EPHA6: variants seen among roughly 807,000 people sequenced by gnomAD.
The protein encoded by EPHA6 is EPH receptor A6.
A neutral mutation model predicts 112.0 loss-of-function variants in EPHA6; 50 were observed. The observed-to-expected ratio is 0.45, with a 90% CI of 0.36 to 0.56. The LOEUF (loss-of-function observed/expected upper bound fraction) is 0.56. EPHA6 is among the 20% of genes least tolerant of loss of function. The probability of loss-of-function intolerance (pLI) is 0.00; values close to 1 mark genes in which losing one functional copy is unlikely to be tolerated. For synonymous variants in EPHA6, 529 were observed against 490.7 expected (o/e 1.08, Z -1.03); for missense variants, 1,280 against 1,417.4 (o/e 0.90, Z 1.56).
chr3:96,870,529 T>C (rs1307490837), intron 2 of EPHA6, among the ~76,000 whole-genome samples: 1 of 152,102 alleles, frequency 6.6e-6, no homozygotes, highest in Non-Finnish European at 1.5e-5. Flanking sequence ...GAAACATCCT[T>C]ACACACACAC....
chr3:97,566,018 C>CAAA (rs59606297), intron 11 of EPHA6, among the ~76,000 whole-genome samples: 129 of 81,692 alleles, frequency 1.6e-3, no homozygotes, highest in South Asian at 0.011. Context: ...GACACCGTCT[C>CAAA]AAAAAAAAAA....
At chr3:97,480,920 C>A (rs1392041954) in intron 9 of EPHA6, among the ~76,000 whole-genome samples, 1 of 151,312 alleles carries the variant, frequency 6.6e-6, no homozygotes, top group Non-Finnish European at 1.5e-5. Flanking sequence ...AGACAATGGG[C>A]GGCCGGGCAA....
intron 2 of EPHA6, among the ~76,000 whole-genome samples, chr3:96,942,955 T>C (rs112471441): frequency 0.011 from 1,669 of 152,190 alleles, 29 homozygotes; most frequent in African/African-American, 0.038. Context: ...CCAGAACTTA[T>C]TCCTCCTATC....
intron 13 of EPHA6, among the ~76,000 whole-genome samples, chr3:97,629,551 A>C (rs1209637898): frequency 6.6e-6 from 1 of 151,934 alleles, no homozygotes; most frequent in Non-Finnish European, 1.5e-5. Context: ...AATTCTCATT[A>C]ATTCTTCTTT....
intron 3 of EPHA6, among the ~76,000 whole-genome samples, chr3:97,147,868 C>T (rs1025671233): frequency 6.6e-6 from 1 of 151,814 alleles, no homozygotes; most frequent in African/African-American, 2.4e-5. Flanking sequence ...ACTGGAAAAC[C>T]GGTGAAATGC....
chr3:96,907,375 G>C (rs1362793344), intron 2 of EPHA6, among the ~76,000 whole-genome samples: 1 of 151,508 alleles, frequency 6.6e-6, no homozygotes, highest in Admixed American at 6.6e-5. Context: ...CTGATTATCT[G>C]TTCATTATGA....
Position 97,637,927 on chromosome 3 carries a change from G to A in EPHA6, c.2629G>A (p.Ala877Thr). Residue 877 changes from alanine (A) to threonine (T), a missense_variant, in exon 14 of 18, where the codon GCA (alanine) becomes ACA (threonine). Coordinates refer to ENST00000389672, the MANE Select transcript of EPHA6 (RefSeq NM_001080448.3). Reference sequence around the variant, plus strand: ...GTTGGTCGGAATGCTCCGAGGCATTGCATCAGGCATGAAGTATCTTTCTGA... The same window carrying A: ...GTTGGTCGGAATGCTCCGAGGCATTACATCAGGCATGAAGTATCTTTCTGA... ...IQLVGMLRGI[A>T]SGMKYLSDMG... is the part of the protein sequence containing the mutation. 6.2e-7 allele frequency: 1 copy of A among 1,613,916 alleles called. No individual in the cohort carries two copies. The highest frequency in any genetic ancestry group is 8.5e-7 in the Non-Finnish European group (1 of 1,179,832).
intron 15 of EPHA6, among the ~76,000 whole-genome samples, chr3:97,722,733 A>AAT (rs994660281): frequency 4.8e-4 from 73 of 151,604 alleles, no homozygotes; most frequent in Middle Eastern, 3.4e-3. Context: ...TGTTGATTTA[A>AAT]ATATATATAT....
intron 7 of EPHA6, among the ~76,000 whole-genome samples, chr3:97,449,550 T>A (rs2090459917): frequency 6.6e-6 from 1 of 152,116 alleles, no homozygotes; most frequent in Non-Finnish European, 1.5e-5. Flanking sequence ...ACCCTAAAAA[T>A]GCCTAAAATG....
intron 3 of EPHA6, among the ~76,000 whole-genome samples, chr3:97,202,516 T>C (rs2077602225): frequency 6.6e-6 from 1 of 152,084 alleles, no homozygotes. Context: ...GTATTTTTAT[T>C]GGAGACAGGG....
intron 3 of EPHA6, among the ~76,000 whole-genome samples, chr3:97,086,606 C>A (rs779968190): frequency 6.6e-6 from 1 of 151,860 alleles, no homozygotes; most frequent in South Asian, 2.1e-4. Flanking sequence ...TACACATAAG[C>A]ACATATACAT....
rs756411332 is a variant in EPHA6, at chr3:97,637,857, T to C, written c.2575-16T>C. On this transcript the variant is annotated splice_polypyrimidine_tract_variant and intron_variant, in intron 13 of 17. Transcript: ENST00000389672. ...ATTAAAATAAATCAATTTACACAAT[T>C]GTGATTCTCTTGCAGAAGCATGATG... The C allele has an allele frequency of 7.5e-6, 12 of 1,602,006 alleles. 1 individual carries two copies. Among genetic ancestry groups the C allele is most frequent in the Non-Finnish European group, 8.6e-7 (1 of 1,169,218 alleles).
intron 5 of EPHA6, among the ~76,000 whole-genome samples, chr3:97,294,984 G>C (rs1702625656): frequency 1.3e-5 from 2 of 152,072 alleles, no homozygotes; most frequent in South Asian, 4.1e-4. Flanking sequence ...ATGAATAGAT[G>C]CTTTTCTCTC....
intron 2 of EPHA6, among the ~76,000 whole-genome samples, chr3:96,927,490 A>G (rs993440401): frequency 6.6e-6 from 1 of 152,222 alleles, no homozygotes; most frequent in South Asian, 2.1e-4. Context: ...TCTTTTAAAC[A>G]TAAGTTCCAG....
chr3:97,138,261 G>C (rs567521198), intron 3 of EPHA6, among the ~76,000 whole-genome samples: 1 of 152,074 alleles, frequency 6.6e-6, no homozygotes, highest in African/African-American at 2.4e-5. Context: ...GAACTCACAC[G>C]GACCCCGCTG....
rs553706343 is a variant in EPHA6, at chr3:96,980,451, G to T, written c.451-6879G>T. 4.4e-3 allele frequency among the ~76,000 whole-genome samples: 677 copies of T among 152,260 alleles called. 1 individual carries two copies. The highest frequency in any genetic ancestry group is 7.1e-3 in the Non-Finnish European group (485 of 68,022). Reference sequence around the variant, plus strand: ...CCAGTACCATGCTGTTTTGGTTACTGTAGCCTTGTAGTATAGTTTGAAGTC... The same window carrying T: ...CCAGTACCATGCTGTTTTGGTTACTTTAGCCTTGTAGTATAGTTTGAAGTC... On this transcript the variant is annotated intron_variant, in intron 2 of 17. Coordinates refer to ENST00000389672, the MANE Select transcript of EPHA6 (RefSeq NM_001080448.3).
At chr3:97,302,918 T>G (rs1374815276) in intron 5 of EPHA6, among the ~76,000 whole-genome samples, 1 of 151,928 alleles carries the variant, frequency 6.6e-6, no homozygotes, top group Non-Finnish European at 1.5e-5. Flanking sequence ...ATTTATATAG[T>G]CAGCCTTTCT....
At chr3:97,465,256 G>A (rs1225897371) in intron 7 of EPHA6, among the ~76,000 whole-genome samples, 2 of 151,948 alleles carry the variant, frequency 1.3e-5, no homozygotes, top group South Asian at 2.1e-4. Context: ...AGGCAATGAA[G>A]TCAAAATTTT....
At chr3:97,542,242 C>G (rs2092869574) in intron 11 of EPHA6, among the ~76,000 whole-genome samples, 1 of 152,102 alleles carries the variant, frequency 6.6e-6, no homozygotes, top group Admixed American at 6.5e-5. Flanking sequence ...TCCCTCCCCT[C>G]TCCCCGCACC....
Sources: gnomAD v4.1 joint callset for allele counts (sites outside exome capture counted in the v4.1 genomes callset) on GRCh38, gnomAD v4.1.1 for gene constraint, MANE v1.5 for transcripts, NCBI Gene and HGNC (gene_info 2026-07-23, HGNC 2026-07-21) for gene names.